The following KCNT1 variants were observed in gnomAD, a reference collection of about 807,000 sequenced individuals.
The protein encoded by KCNT1 is potassium channel subfamily T member 1.
KCNT1 carries 78 observed loss-of-function variants against 147.8 expected under a neutral mutation model. The ratio of observed to expected loss-of-function variants is 0.53; its 90% CI spans 0.44 to 0.64. The LOEUF (loss-of-function observed/expected upper bound fraction) is 0.64. KCNT1 is among the 30% of genes least tolerant of loss of function. The probability of loss-of-function intolerance (pLI) is 0.00; values close to 1 mark genes in which losing one functional copy is unlikely to be tolerated. For missense variants in KCNT1, 1,419 were observed against 1,750.3 expected, an observed-to-expected ratio of 0.81 and a Z score of 3.38; for synonymous variants, 867 against 748.8, an observed-to-expected ratio of 1.16 and a Z score of -2.58.
rs112460875 is a variant in KCNT1 at position 135,777,745 on chromosome 9, C to T, written c.2522+235C>T. ...GCTCCCAGCTCCTCCCCACCCCCAGCTCCTCTGGCTCCTGGGTCCTCCCTG... is the reference window on the plus strand; with the variant it reads ...GCTCCCAGCTCCTCCCCACCCCCAGTTCCTCTGGCTCCTGGGTCCTCCCTG... On this transcript the variant is annotated intron_variant, in intron 21 of 30. Coordinates refer to ENST00000371757, the MANE Select transcript of KCNT1 (RefSeq NM_020822.3). 3.3e-4 allele frequency among the ~76,000 whole-genome samples: 49 copies of T among 148,800 alleles called. No individual in the cohort carries two copies. The Middle Eastern group carries it at 0.011, about 34-fold the overall frequency.
Position 135,758,537 on chromosome 9 carries a change from C to T in KCNT1, c.854+29C>T, listed in dbSNP as rs762366971. On this transcript the variant is annotated intron_variant, in intron 10 of 30. Transcript: ENST00000371757. ...AGTGCCGGCCGTCAGTGTGAGCACC[C>T]CAGGACGTTGGGAGGGCCCGAGAGG... The T allele has an allele frequency of 1.9e-6, 3 of 1,587,534 alleles. No individual in the cohort carries two copies. In the East Asian group the frequency reaches 6.7e-5, roughly 35 times the overall value.
intron 24 of KCNT1, 48 bp from the exon 25 acceptor site, chr9:135,783,976 T>C (rs1298148890): frequency 6.7e-7 from 1 of 1,488,734 alleles, no homozygotes. Context: ...GCCGTGCCAC[T>C]GGAGGGACCT....
At chr9:135,729,870 A>G (rs908703063) in intron 2 of KCNT1, among the ~76,000 whole-genome samples, 1 of 152,144 alleles carries the variant, frequency 6.6e-6, no homozygotes, top group Non-Finnish European at 1.5e-5. Context: ...TGCTGGGGCC[A>G]GCCCAACCCC....
intron 1 of KCNT1, among the ~76,000 whole-genome samples, chr9:135,705,718 A>C (rs1692252538): frequency 6.6e-6 from 1 of 152,252 alleles, no homozygotes; most frequent in African/African-American, 2.4e-5. Context: ...GAAGTGAGCC[A>C]GCGGGGCTGG....
At position 135,793,065 on chromosome 9, in the gene KCNT1, C is replaced by T. The variant is rs1376731876; in HGVS notation, c.*904C>T. ...GACATCAGGAGCGCCACCCTGCGTC[C>T]TTTGCTGCTGGTTCCTTACTGGTTT... is the stretch of plus-strand genomic sequence containing the variant. On this transcript the variant is annotated 3_prime_UTR_variant, in exon 31 of 31. Transcript: ENST00000371757. 2 of 152,204 alleles carry T rather than the reference C, an allele frequency of 1.3e-5. No homozygotes were observed. The highest frequency in any genetic ancestry group is 4.8e-5 in the African/African-American group (2 of 41,440). 9.4% of individuals were successfully genotyped at this position (152,204 alleles called of 1,614,324 possible). A position where few individuals can be genotyped will look rare whatever the true frequency, so the allele number is the denominator to read the frequency against.
At chr9:135,777,305 G>A (rs748473489) in intron 20 of KCNT1, 33 bp from the exon 21 acceptor site, 2 of 1,578,922 alleles carry the variant, frequency 1.3e-6, no homozygotes, top group Non-Finnish European at 1.7e-6. Flanking sequence ...CCACAGCCCT[G>A]ACTCCAGCCC....
At chr9:135,769,286 C>T (rs1315794923) in intron 15 of KCNT1, among the ~76,000 whole-genome samples, 3 of 136,828 alleles carry the variant, frequency 2.2e-5, no homozygotes, top group South Asian at 2.5e-4. Flanking sequence ...GGTGATGGTG[C>T]GTCTGGGGCA....
Position 135,756,879 on chromosome 9 carries a change from G to A in KCNT1, c.547G>A (p.Val183Met), listed in dbSNP as rs751729308. The stretch of plus-strand genomic sequence containing the variant: ...TCCCTTTCCTGACTCCCAGGTCATC[G>A]TGGCCATAATAAGCTTCCTGGAGAC... ...KMTLWAIQVIVAIISFLETML... is the reference protein window; with the variant it reads ...KMTLWAIQVIMAIISFLETML... Residue 183 changes from valine (V) to methionine (M), a missense_variant, in exon 7 of 31, where the codon GTG becomes ATG. Transcript: ENST00000371757. 1.4e-5 allele frequency: 22 copies of A among 1,613,202 alleles called. No homozygotes were observed. The highest frequency in any genetic ancestry group is 2.2e-5 in the East Asian group (1 of 44,846).
At chr9:135,718,131 G>C (rs1835790030) in intron 2 of KCNT1, among the ~76,000 whole-genome samples, 1 of 152,212 alleles carries the variant, frequency 6.6e-6, no homozygotes, top group African/African-American at 2.4e-5. Flanking sequence ...GCCTCTATCT[G>C]CCATTAGAAG....
At chr9:135,779,878 C>T (rs771101527) in intron 24 of KCNT1, among the ~76,000 whole-genome samples, 1 of 152,266 alleles carries the variant, frequency 6.6e-6, no homozygotes, top group Non-Finnish European at 1.5e-5. Flanking sequence ...CACACGGCTG[C>T]ACCATTCCAG....
chr9:135,724,548 T>C (rs1273312564), intron 2 of KCNT1, among the ~76,000 whole-genome samples: 4 of 152,094 alleles, frequency 2.6e-5, no homozygotes, highest in Admixed American at 6.5e-5. Flanking sequence ...GCAACAGAGG[T>C]CAAGTTGAGT....
chr9:135,748,370 C>T (rs1160344744), intron 2 of KCNT1, among the ~76,000 whole-genome samples: 1 of 152,130 alleles, frequency 6.6e-6, no homozygotes. Flanking sequence ...ACCTGGTCCA[C>T]ACCACTTACC....
chr9:135,750,028 G>A, intron 2 of KCNT1, 70 bp from the exon 3 acceptor site: 1 of 1,280,254 alleles, frequency 7.8e-7, no homozygotes, highest in Non-Finnish European at 1.1e-6. Context: ...GTCAGGTTGG[G>A]GCTCCCGGCG....
rs144659358 is a variant in KCNT1 at position 135,778,712 on chromosome 9, C to T, written c.2619C>T (p.Gly873=). 1,002 of 1,613,870 alleles carry T rather than the reference C, an allele frequency of 6.2e-4. 10 individuals carry two copies. In the East Asian group the frequency reaches 0.021, roughly 34 times the overall value. ...GCCTGGACAGCCTGCTGCAGTGTGG[C>T]ATCATCTATGCGGACAACCTGGTGG... The part of the protein sequence containing the change: ...VDNLDSLLQC[G]IIYADNLVVV... The change falls in exon 23 of 31, where the codon GGC becomes GGT. Residue 873 remains glycine (G), a synonymous_variant. Transcript: ENST00000371757.
intron 2 of KCNT1, among the ~76,000 whole-genome samples, chr9:135,745,200 C>G (rs1830761613): frequency 6.6e-6 from 1 of 152,224 alleles, no homozygotes; most frequent in African/African-American, 2.4e-5. Flanking sequence ...GTAGATTCTT[C>G]TGCCCCGTCC....
intron 11 of KCNT1, 130 bp from the exon 12 acceptor site, chr9:135,764,901 A>C: frequency 1.2e-6 from 1 of 843,530 alleles, no homozygotes; most frequent in Non-Finnish European, 1.8e-6. Context: ...CCCCTAATGT[A>C]GGTGTCACCC....
At position 135,792,405 on chromosome 9, in the gene KCNT1, T is replaced by C. The variant is rs569384746; in HGVS notation, c.*244T>C. Reference sequence around the variant, plus strand: ...ATTTTTACACGTCGATGCAGTCCACTTCTCTTTACACAGATGTACCGCAAC... The same window carrying C: ...ATTTTTACACGTCGATGCAGTCCACCTCTCTTTACACAGATGTACCGCAAC... On this transcript the variant is annotated 3_prime_UTR_variant, in exon 31 of 31. Transcript: ENST00000371757. 2 of 428,486 alleles carry C rather than the reference T, an allele frequency of 4.7e-6. No individual in the cohort carries two copies. Among genetic ancestry groups the C allele is most frequent in the East Asian group, 9.5e-5 (2 of 21,092 alleles). The allele number at this position is 428,486 out of a possible 1,614,324, so 26.5% of individuals were successfully genotyped here.
At chr9:135,743,516 T>C (rs763139848) in intron 2 of KCNT1, among the ~76,000 whole-genome samples, 14 of 152,094 alleles carry the variant, frequency 9.2e-5, no homozygotes, top group Non-Finnish European at 2.1e-4. Context: ...AAAAGAGTCC[T>C]GGAGGCTGGG....
At chr9:135,755,736 C>T (rs1394572635) in intron 6 of KCNT1, among the ~76,000 whole-genome samples, 1 of 150,642 alleles carries the variant, frequency 6.6e-6, no homozygotes, top group Non-Finnish European at 1.5e-5. Context: ...CAAACCAAGA[C>T]TCAGTAAACA....
Sources: gnomAD v4.1 joint callset for allele counts (sites outside exome capture counted in the v4.1 genomes callset) on GRCh38, gnomAD v4.1.1 for gene constraint, MANE v1.5 for transcripts, NCBI Gene and HGNC (gene_info 2026-07-23, HGNC 2026-07-21) for gene names.